The following SMYD3 variants were observed in gnomAD, a reference collection of about 807,000 sequenced individuals.
The protein encoded by SMYD3 is SET and MYND domain containing 3, also known as histone-lysine N-methyltransferase SMYD3.
In SMYD3, 36 loss-of-function variants were observed where a neutral mutation model predicts 57.7. The ratio of observed to expected loss-of-function variants is 0.62; its 90% CI spans 0.48 to 0.82. SMYD3 has a LOEUF of 0.82. SMYD3 is among the 40% of genes least tolerant of loss of function. SMYD3 has a pLI of 0.00. For synonymous variants in SMYD3, 211 were observed against 195.0 expected (o/e 1.08, Z -0.68); for missense variants, 515 against 538.8 (o/e 0.96, Z 0.44).
chr1:246,128,297 AT>A (rs2061537972), intron 5 of SMYD3, among the ~76,000 whole-genome samples: 3 of 152,278 alleles, frequency 2.0e-5, no homozygotes, highest in Admixed American at 2.0e-4. Context: ...ATACAAAGTA[AT>A]TTGCTCATTT....
At chr1:246,429,442 G>A (rs906408427) in intron 1 of SMYD3, among the ~76,000 whole-genome samples, 1 of 152,126 alleles carries the variant, frequency 6.6e-6, no homozygotes, top group Non-Finnish European at 1.5e-5. Context: ...CCTAATTTCA[G>A]TTATGTCAAA....
At chr1:245,922,696 G>GTAA (rs1463766254) in intron 7 of SMYD3, among the ~76,000 whole-genome samples, 2 of 151,758 alleles carry the variant, frequency 1.3e-5, no homozygotes, top group East Asian at 3.9e-4. Flanking sequence ...TCACTATGTA[G>GTAA]TAAGCATCAT....
rs2062930134 is a variant in SMYD3 at position 246,202,023 on chromosome 1, A to C, written c.531+125178T>G. On this transcript the variant is annotated intron_variant, in intron 5 of 11. Transcript: ENST00000490107. The surrounding 1 kb of genome is among the most constrained non-coding windows in gnomAD (Gnocchi z 4.1). ...GACTCTGTCTCAATTTAAAAAAAAA[A>C]AACAAAAAAAAGCCATTTTTAAATG... is the stretch of plus-strand genomic sequence containing the variant. 6.6e-6 allele frequency among the ~76,000 whole-genome samples: 1 copy of C among 151,974 alleles called. No individual in the cohort carries two copies. Among genetic ancestry groups the C allele is most frequent in the Admixed American group, 6.6e-5 (1 of 15,258 alleles).
At chr1:245,756,683 G>GA (rs36072481) in intron 11 of SMYD3, among the ~76,000 whole-genome samples, 3 of 151,782 alleles carry the variant, frequency 2.0e-5, no homozygotes, top group African/African-American at 4.8e-5. Flanking sequence ...TTCAGTACTT[G>GA]AAAAAAATAT....
At chr1:246,107,062 G>A (rs1048278975) in intron 5 of SMYD3, among the ~76,000 whole-genome samples, 10 of 150,864 alleles carry the variant, frequency 6.6e-5, no homozygotes, top group Admixed American at 1.3e-4. Context: ...CACTTTGGGA[G>A]GCTGAGGCGG....
rs1189345464 is a variant in SMYD3, at chr1:245,863,894, G to T, written c.814-8C>A. ...AGTTAGCATATCAGCATCCTGCTCA[G>T]GCCAGAAAAGGAAGACAAATAATCT... On this transcript the variant is annotated splice_polypyrimidine_tract_variant and splice_region_variant and intron_variant, in intron 8 of 11. Transcript: ENST00000490107. 6.2e-7 allele frequency: 1 copy of T among 1,613,320 alleles called. No individual in the cohort carries two copies.
intron 5 of SMYD3, among the ~76,000 whole-genome samples, chr1:246,065,274 C>T (rs1047462509): frequency 6.6e-6 from 1 of 152,078 alleles, no homozygotes; most frequent in African/African-American, 2.4e-5. Context: ...ATACGTGCAC[C>T]CATATTTTCT....
At position 246,378,276 on chromosome 1, in the gene SMYD3, C is replaced by G. The variant is rs532463195; in HGVS notation, c.165-23182G>C. Among the ~76,000 whole-genome samples, 6 of 152,188 alleles carry G rather than the reference C, an allele frequency of 3.9e-5. No homozygotes were observed. The East Asian group carries it at 9.7e-4, about 25-fold the overall frequency. On this transcript the variant is annotated intron_variant, in intron 1 of 11. Transcript: ENST00000490107. ...TAGTTGACCACTGTGATGGTTGATA[C>G]TGAGTGTAAACTTGATTGGATTGAA... is the stretch of plus-strand genomic sequence containing the variant.
chr1:246,451,367 A>G (rs778814400), intron 1 of SMYD3, among the ~76,000 whole-genome samples: 34 of 152,254 alleles, frequency 2.2e-4, no homozygotes, highest in Non-Finnish European at 4.8e-4. Flanking sequence ...AATATTACTA[A>G]GCGAAAGAAG....
chr1:245,980,569 C>T (rs1240404245), intron 5 of SMYD3, among the ~76,000 whole-genome samples: 2 of 152,240 alleles, frequency 1.3e-5, no homozygotes, highest in South Asian at 2.1e-4. Context: ...GCTTATCACA[C>T]ACATGACATG....
chr1:246,108,987 T>C (rs930863262), intron 5 of SMYD3, among the ~76,000 whole-genome samples: 1 of 152,206 alleles, frequency 6.6e-6, no homozygotes, highest in Admixed American at 6.5e-5. Flanking sequence ...GGGTTACATC[T>C]TTGCTCTGTG....
At chr1:245,958,825 C>A (rs1206459424) in intron 5 of SMYD3, among the ~76,000 whole-genome samples, 2 of 152,218 alleles carry the variant, frequency 1.3e-5, no homozygotes, top group East Asian at 3.9e-4. Flanking sequence ...GATCACCACC[C>A]TGGGGGAGTG....
intron 5 of SMYD3, among the ~76,000 whole-genome samples, chr1:246,225,321 CAAAAAAAAAAA>C (rs60915002): frequency 1.2e-3 from 94 of 76,282 alleles, no homozygotes; most frequent in African/African-American, 3.3e-3. Flanking sequence ...GCTGAAAAGT[CAAAAAAAAAAA>C]AAAAAAAAAA....
At chr1:246,260,444 GT>G (rs199824788) in intron 5 of SMYD3, among the ~76,000 whole-genome samples, 37 of 150,848 alleles carry the variant, frequency 2.5e-4, no homozygotes, top group African/African-American at 9.1e-4. Flanking sequence ...TGTTGTTGTT[GT>G]TTTTTGTTTG....
At chr1:246,322,963 C>T (rs948206087) in intron 5 of SMYD3, among the ~76,000 whole-genome samples, 6 of 152,178 alleles carry the variant, frequency 3.9e-5, no homozygotes, top group Admixed American at 3.3e-4. Context: ...CTTTGAAAAC[C>T]TTCTCCGGAG....
intron 5 of SMYD3, among the ~76,000 whole-genome samples, chr1:246,025,445 C>G (rs138106010): frequency 1.3e-5 from 2 of 152,182 alleles, no homozygotes; most frequent in East Asian, 3.9e-4. Context: ...ACAAAGACGT[C>G]TCACATCCCT....
At chr1:245,873,577 A>T (rs2052334427) in intron 8 of SMYD3, among the ~76,000 whole-genome samples, 1 of 152,204 alleles carries the variant, frequency 6.6e-6, no homozygotes, top group African/African-American at 2.4e-5. Flanking sequence ...ATCTCCTTTA[A>T]TCGGCCACAT....
At chr1:245,903,829 C>T (rs1397164479) in intron 8 of SMYD3, among the ~76,000 whole-genome samples, 1 of 152,220 alleles carries the variant, frequency 6.6e-6, no homozygotes, top group African/African-American at 2.4e-5. Context: ...CGAGGCTGCA[C>T]ACTGCAGGGG....
chr1:245,755,432 C>A (rs968249944), intron 11 of SMYD3, among the ~76,000 whole-genome samples: 1 of 152,114 alleles, frequency 6.6e-6, no homozygotes, highest in Non-Finnish European at 1.5e-5. Context: ...TATTTTGTAT[C>A]CCTCCTCAGT....
Sources: allele counts gnomAD v4.1 joint callset (sites outside exome capture counted in the v4.1 genomes callset), GRCh38; gene constraint gnomAD v4.1.1; non-coding constraint Gnocchi (gnomAD v3.1); transcripts MANE v1.5; gene names NCBI Gene and HGNC (gene_info 2026-07-23, HGNC 2026-07-21).